TANC1: variants seen among roughly 807,000 people sequenced by gnomAD.
TANC1 encodes the protein tetratricopeptide repeat, ankyrin repeat and coiled-coil containing 1.
In TANC1, 77 loss-of-function variants were observed where a neutral mutation model predicts 149.7. That is an observed-to-expected ratio of 0.51 (90% CI 0.43 to 0.62). The LOEUF is 0.62. Among genes scored for constraint, TANC1 ranks in the 20% least tolerant of loss-of-function variants. TANC1 has a pLI of 0.00. For missense variants in TANC1, 1,985 were observed against 2,321.8 expected (o/e 0.85, Z 2.98); for synonymous variants, 854 against 925.0 (o/e 0.92, Z 1.39).
At chr2:159,023,814 A>G (rs572323776) in intron 2 of TANC1, among the ~76,000 whole-genome samples, 66 of 152,168 alleles carry the variant, frequency 4.3e-4, no homozygotes, top group Non-Finnish European at 7.6e-4. Context: ...TAAAAATACA[A>G]AAAATTAACT....
intron 8 of TANC1, among the ~76,000 whole-genome samples, chr2:159,164,083 G>A (rs1392694666): frequency 6.6e-6 from 1 of 152,118 alleles, no homozygotes; most frequent in Non-Finnish European, 1.5e-5. Context: ...ATTCGAGATA[G>A]ACATGCTTTA....
intron 4 of TANC1, among the ~76,000 whole-genome samples, chr2:159,098,056 A>T (rs10171327): frequency 0.67 from 102,400 of 151,756 alleles, 35,797 homozygotes; most frequent in Non-Finnish European, 0.78. Context: ...TATAAAGATT[A>T]AAGATTTTGT....
intron 4 of TANC1, among the ~76,000 whole-genome samples, chr2:159,107,295 G>A (rs2047279320): frequency 6.6e-6 from 1 of 152,222 alleles, no homozygotes; most frequent in African/African-American, 2.4e-5. Flanking sequence ...CCAAAGTGCT[G>A]GGATTACAGG....
Position 158,971,294 on chromosome 2 carries a change from C to T in TANC1, c.-126+2512C>T, listed in dbSNP as rs538114325. ...TCCTGCCAGCATAGCTGGAGGTTAA[C>T]TTTATGTCGTTGTTTCCATTAGACA... On this transcript the variant is annotated intron_variant, in intron 1 of 26. Transcript: ENST00000263635. 1.8e-4 allele frequency among the ~76,000 whole-genome samples: 28 copies of T among 152,270 alleles called. 1 individual carries two copies. The highest frequency in any genetic ancestry group is 1.0e-3 in the South Asian group (5 of 4,826).
intron 5 of TANC1, among the ~76,000 whole-genome samples, chr2:159,136,807 A>C (rs1406853219): frequency 6.9e-6 from 1 of 144,154 alleles, no homozygotes; most frequent in South Asian, 2.3e-4. Context: ...AAAAAAAAAA[A>C]CCAAATTGAT....
chr2:159,228,240 T>G, intron 25 of TANC1: 2 of 405,582 alleles, frequency 4.9e-6, no homozygotes, highest in Non-Finnish European at 8.8e-6. Context: ...CTCTGCAGCT[T>G]CCCAACACTG....
chr2:159,065,920 G>A lies in TANC1; in HGVS notation c.10G>A (p.Ala4Thr), dbSNP rs780619950. Residue 4 changes from alanine (A) to threonine (T), a missense_variant, in exon 3 of 27, where the codon GCT becomes ACT. Ala to Thr is a moderately conservative substitution (Grantham distance 58, BLOSUM62 0). This residue lies in a region of TANC1 where 557 missense variants were observed against 612.9 expected (regional missense o/e 0.91). Transcript: ENST00000263635. MLK[A>T]VLKKSREGGK... ...GAAACAAGTGTTGAAAATGTTAAAG[G>A]CTGTGCTGAAGAAGAGCCGAGAGGG... The A allele has an allele frequency of 6.2e-7, 1 of 1,613,762 alleles. No homozygotes were observed. The highest frequency in any genetic ancestry group is 1.1e-5 in the South Asian group (1 of 91,056).
intron 5 of TANC1, among the ~76,000 whole-genome samples, chr2:159,138,271 G>A (rs1304880857): frequency 6.6e-6 from 1 of 152,168 alleles, no homozygotes; most frequent in Non-Finnish European, 1.5e-5. Context: ...TTTGTTAAGT[G>A]TCTCGGGAGC....
At chr2:159,157,038 A>G (rs1384200298) in intron 7 of TANC1, among the ~76,000 whole-genome samples, 2 of 152,386 alleles carry the variant, frequency 1.3e-5, no homozygotes, top group East Asian at 3.9e-4. Context: ...AATTTCGTAC[A>G]GAGATCTGGC....
intron 8 of TANC1, among the ~76,000 whole-genome samples, chr2:159,164,435 C>T (rs547427009): frequency 1.6e-4 from 25 of 152,234 alleles, no homozygotes; most frequent in African/African-American, 5.3e-4. Context: ...CTGAGGATTT[C>T]GGTATCCTCA....
At chr2:159,118,475 A>G (rs2048524528) in intron 4 of TANC1, among the ~76,000 whole-genome samples, 1 of 152,120 alleles carries the variant, frequency 6.6e-6, no homozygotes, top group African/African-American at 2.4e-5. Context: ...CTTGGGTGTG[A>G]TTCAGGAGTA....
chr2:159,150,954 C>A (rs962023441), intron 7 of TANC1, among the ~76,000 whole-genome samples: 1 of 152,108 alleles, frequency 6.6e-6, no homozygotes, highest in African/African-American at 2.4e-5. Context: ...CACTTATTTT[C>A]CTGATGATAG....
intron 2 of TANC1, among the ~76,000 whole-genome samples, chr2:159,004,583 T>G (rs1378938022): frequency 6.6e-6 from 1 of 152,084 alleles, no homozygotes; most frequent in Non-Finnish European, 1.5e-5. Context: ...GGTTTTTTTG[T>G]TTTTTGTTTG....
intron 4 of TANC1, 125 bp downstream of exon 4, chr2:159,097,959 A>G (rs751541767): frequency 1.5e-5 from 12 of 790,804 alleles, no homozygotes; most frequent in Non-Finnish European, 2.3e-5. Context: ...TATCTTCTAG[A>G]AGAAATAAAT....
In TANC1 at chr2:159,229,893, A is replaced by C. The variant is rs2060247534; in HGVS notation, c.4467A>C (p.Arg1489=). 6.2e-7 allele frequency: 1 copy of C among 1,613,956 alleles called. No individual in the cohort carries two copies. Among genetic ancestry groups the C allele is most frequent in the Admixed American group, 1.7e-5 (1 of 60,004 alleles). The part of the protein sequence containing the change: ...PSSSVPSSYI[R]NLQEGLQSKG... ...CATCTGTCCCTTCCTCATACATCCG[A>C]AACCTTCAAGAAGGGTTACAGTCCA... is the stretch of plus-strand genomic sequence containing the variant. Residue 1489 remains arginine, a synonymous_variant, in exon 27 of 27, where the codon CGA becomes CGC. Transcript: ENST00000263635.
chr2:159,124,447 G>A (rs932077222), intron 4 of TANC1, among the ~76,000 whole-genome samples: 1 of 152,230 alleles, frequency 6.6e-6, no homozygotes, highest in African/African-American at 2.4e-5. Flanking sequence ...TGCTGTTGCT[G>A]TTGGTCCAGG....
At chr2:159,019,876 T>G (rs2038667770) in intron 2 of TANC1, among the ~76,000 whole-genome samples, 2 of 151,370 alleles carry the variant, frequency 1.3e-5, no homozygotes, top group Non-Finnish European at 2.9e-5. Context: ...AGTGTTGGGA[T>G]TTCAGGGGTG....
chr2:159,131,392 A>G (rs2050074504), intron 4 of TANC1, among the ~76,000 whole-genome samples: 1 of 151,962 alleles, frequency 6.6e-6, no homozygotes, highest in Non-Finnish European at 1.5e-5. Context: ...GGGGGGTCTC[A>G]CTTTTCCTTC....
intron 7 of TANC1, among the ~76,000 whole-genome samples, chr2:159,156,234 G>T (rs1192160337): frequency 6.6e-6 from 1 of 152,116 alleles, no homozygotes; most frequent in African/African-American, 2.4e-5. Flanking sequence ...TATTCATTTT[G>T]CTACGTTGCC....
Sources: gnomAD v4.1 joint callset for allele counts (sites outside exome capture counted in the v4.1 genomes callset) on GRCh38, gnomAD v4.1.1 for gene constraint, gnomAD v4.1.1 regional missense constraint, MANE v1.5 for transcripts, NCBI Gene and HGNC (gene_info 2026-07-23, HGNC 2026-07-21) for gene names.